Variants in MARCHF8 observed in about 807,000 individuals in gnomAD.
MARCHF8 encodes E3 ubiquitin-protein ligase MARCHF8.
MARCHF8 carries 40 observed loss-of-function variants against 51.6 expected under a neutral mutation model. That is an observed-to-expected ratio of 0.77 (90% CI 0.60 to 1.01). MARCHF8 has a LOEUF of 1.01. Ranked by LOEUF, MARCHF8 falls within the 50% of genes least tolerant of loss-of-function variation. The pLI is 0.00. For synonymous variants in MARCHF8, 263 were observed against 280.3 expected (o/e 0.94, Z 0.62); for missense variants, 685 against 708.6 (o/e 0.97, Z 0.38).
intron 1 of MARCHF8, among the ~76,000 whole-genome samples, chr10:45,567,790 T>G (rs2044381766): frequency 6.6e-6 from 1 of 152,226 alleles, no homozygotes; most frequent in African/African-American, 2.4e-5. Context: ...CCATAAAAAT[T>G]TTGGGATTGT....
intron 2 of MARCHF8, among the ~76,000 whole-genome samples, chr10:45,506,307 G>T (rs2043384287): frequency 6.6e-6 from 1 of 152,146 alleles, no homozygotes; most frequent in South Asian, 2.1e-4. Flanking sequence ...TATCTTTACT[G>T]ATTTATCAAT....
chr10:45,578,055 G>A (rs537788655), intron 1 of MARCHF8, among the ~76,000 whole-genome samples: 1 of 152,116 alleles, frequency 6.6e-6, no homozygotes, highest in Non-Finnish European at 1.5e-5. Context: ...TTAAAATATG[G>A]ATATACATAT....
At chr10:45,580,179 AAAC>A (rs2044539115) in intron 1 of MARCHF8, among the ~76,000 whole-genome samples, 1 of 152,186 alleles carries the variant, frequency 6.6e-6, no homozygotes, top group South Asian at 2.1e-4. Flanking sequence ...ATCATTACGT[AAAC>A]AACTTAGGAT....
intron 2 of MARCHF8, among the ~76,000 whole-genome samples, chr10:45,504,806 A>G (rs1243323154): frequency 6.6e-6 from 1 of 152,196 alleles, no homozygotes; most frequent in Non-Finnish European, 1.5e-5. Flanking sequence ...CATGTTTAAA[A>G]GAAAAATATG....
chr10:45,539,075 T>A (rs2044015040), upstream of MARCHF8, among the ~76,000 whole-genome samples: 6 of 152,144 alleles, frequency 3.9e-5, no homozygotes, highest in South Asian at 1.0e-3. Flanking sequence ...GAAGTAAAGC[T>A]CTCCTCAGCA....
At chr10:45,587,998 T>C (rs567357708) in intron 1 of MARCHF8, among the ~76,000 whole-genome samples, 7 of 152,108 alleles carry the variant, frequency 4.6e-5, no homozygotes, top group Non-Finnish European at 8.8e-5. Flanking sequence ...CCTAGACCCA[T>C]AGCTCATACC....
In MARCHF8 at chr10:45,469,693, G is replaced by A. The variant is rs921740437; in HGVS notation, c.154-5366C>T. On this transcript the variant is annotated intron_variant, in intron 3 of 7. Coordinates refer to ENST00000453424, the MANE Select transcript of MARCHF8 (RefSeq NM_001282866.2). ...ATCCTGGCTAACACGGTGAAACCCC[G>A]TCTCTACTAAAAATACAAAAAATTA... is the stretch of plus-strand genomic sequence containing the variant. 2.5e-3 allele frequency among the ~76,000 whole-genome samples: 381 copies of A among 151,718 alleles called. 4 individuals carry two copies. The highest frequency in any genetic ancestry group is 1.0e-3 in the Non-Finnish European group (70 of 67,886).
At position 45,457,468 on chromosome 10, in the gene MARCHF8, G is replaced by A. The variant is rs1458031620; in HGVS notation, c.*771C>T. Reference sequence around the variant, plus strand: ...CTGGCCTGCTTGTCCTGTCTTAAAAGTCATGAGTCTGTTTTATGAACAGAA... The same window carrying A: ...CTGGCCTGCTTGTCCTGTCTTAAAAATCATGAGTCTGTTTTATGAACAGAA... On this transcript the variant is annotated 3_prime_UTR_variant, in exon 8 of 8. Transcript: ENST00000453424. The A allele has an allele frequency of 6.6e-6, 1 of 152,496 alleles. No homozygotes were observed. The highest frequency in any genetic ancestry group is 1.5e-5 in the Non-Finnish European group (1 of 68,020). 9.4% of individuals were successfully genotyped at this position (152,496 alleles called of 1,614,324 possible). A position where few individuals can be genotyped will look rare whatever the true frequency, so the allele number is the denominator to read the frequency against.
rs1031816573 is a variant in MARCHF8, at chr10:45,458,031, C to G, written c.*208G>C. On this transcript the variant is annotated 3_prime_UTR_variant, in exon 8 of 8. Coordinates refer to ENST00000453424, the MANE Select transcript of MARCHF8 (RefSeq NM_001282866.2). ...TGGGGTCTTCCACTTTCCCACAGAG[C>G]TGCCAGGCAGAGGCAGGACCCAGGC... The G allele has an allele frequency of 7.1e-6, 4 of 561,326 alleles. No homozygotes were observed. Among genetic ancestry groups the G allele is most frequent in the Admixed American group, 7.0e-5 (2 of 28,416 alleles). The allele number at this position is 561,326 out of a possible 1,614,324, so 34.8% of individuals were successfully genotyped here.
chr10:45,513,167 T>C (rs1369565190), intron 2 of MARCHF8, among the ~76,000 whole-genome samples: 2 of 151,396 alleles, frequency 1.3e-5, no homozygotes, highest in Non-Finnish European at 2.9e-5. Flanking sequence ...CCTCCACTAT[T>C]GTCCTATGAC....
chr10:45,581,449 T>C (rs1305146619), intron 1 of MARCHF8, among the ~76,000 whole-genome samples: 1 of 152,164 alleles, frequency 6.6e-6, no homozygotes, highest in African/African-American at 2.4e-5. Flanking sequence ...CATTACCTCC[T>C]CACTCAGATG....
chr10:45,560,114 CTCAAAGATTCACAA>C (rs1489797947), intron 1 of MARCHF8, among the ~76,000 whole-genome samples: 11 of 151,830 alleles, frequency 7.2e-5, no homozygotes, highest in Non-Finnish European at 1.5e-4. Context: ...AAGGAAGATC[CTCAAAGATTCACAA>C]GCAAAGATGA....
intron 2 of MARCHF8, among the ~76,000 whole-genome samples, chr10:45,524,612 T>G (rs1718010007): frequency 6.6e-6 from 1 of 152,188 alleles, no homozygotes; most frequent in South Asian, 2.1e-4. Flanking sequence ...GAAAACATAC[T>G]TCTATAAAAA....
At chr10:45,540,702 G>C (rs1228022071) in intron 1 of MARCHF8, among the ~76,000 whole-genome samples, 3 of 152,090 alleles carry the variant, frequency 2.0e-5, no homozygotes, top group Non-Finnish European at 4.4e-5. Context: ...AATCTACAAT[G>C]AACTCAAACA....
At chr10:45,573,203 T>C (rs968056433) in intron 1 of MARCHF8, among the ~76,000 whole-genome samples, 1 of 152,104 alleles carries the variant, frequency 6.6e-6, no homozygotes, top group African/African-American at 2.4e-5. Flanking sequence ...GCCATCTCAT[T>C]CTAATTATGC....
rs186026265 is a variant in MARCHF8 at position 45,461,446 on chromosome 10, A to G, written c.1089-35T>C. The stretch of plus-strand genomic sequence containing the variant: ...AAGGAAAACCTGTCATTCCAAGGAC[A>G]GTCCCATGACAGGGAAGCTGACACT... On this transcript the variant is annotated intron_variant, in intron 5 of 7. Coordinates refer to ENST00000453424, the MANE Select transcript of MARCHF8 (RefSeq NM_001282866.2). 1.0e-5 allele frequency: 15 copies of G among 1,486,770 alleles called. No individual in the cohort carries two copies. The South Asian group carries it at 1.4e-4, about 14-fold the overall frequency. The allele number at this position is 1,486,770 out of a possible 1,614,324, so 92.1% of individuals were successfully genotyped here. A position where few individuals can be genotyped will look rare whatever the true frequency, so the allele number is the denominator to read the frequency against.
intron 1 of MARCHF8, among the ~76,000 whole-genome samples, chr10:45,559,819 A>G (rs2044289520): frequency 6.6e-6 from 1 of 152,230 alleles, no homozygotes; most frequent in East Asian, 1.9e-4. Flanking sequence ...TATTTCTGCA[A>G]CTGGGTCATT....
At chr10:45,549,743 G>A (rs2044173067) in intron 1 of MARCHF8, among the ~76,000 whole-genome samples, 1 of 152,214 alleles carries the variant, frequency 6.6e-6, no homozygotes, top group Non-Finnish European at 1.5e-5. Flanking sequence ...AAGTAGGTTA[G>A]TTATCATGGG....
intron 1 of MARCHF8, among the ~76,000 whole-genome samples, chr10:45,576,770 A>AT (rs1428602064): frequency 2.7e-5 from 4 of 149,086 alleles, no homozygotes; most frequent in Non-Finnish European, 5.9e-5. Flanking sequence ...ACAAATAAAA[A>AT]TTAAAAAAAA....
Sources: gnomAD v4.1 joint callset for allele counts (sites outside exome capture counted in the v4.1 genomes callset) on GRCh38, gnomAD v4.1.1 for gene constraint, MANE v1.5 for transcripts, NCBI Gene and HGNC (gene_info 2026-07-23, HGNC 2026-07-21) for gene names.